Variants in LACTBL1 observed in about 807,000 individuals in gnomAD.
The protein encoded by LACTBL1 is beta-lactamase-like protein 1.
In LACTBL1, 29 loss-of-function variants were observed where a neutral mutation model predicts 39.6. The observed-to-expected ratio is 0.73, with a 90% CI of 0.55 to 1.00. LACTBL1 has a LOEUF of 1.00. LACTBL1 is among the 50% of genes least tolerant of loss of function. The pLI is 0.00. For missense variants in LACTBL1, 711 were observed against 748.5 expected (o/e 0.95, Z 0.59); for synonymous variants, 361 against 360.7 (o/e 1.00, Z -0.01).
Position 22,963,697 on chromosome 1 carries a change from G to A in LACTBL1, c.50-481C>T, listed in dbSNP as rs547081262. Among the ~76,000 whole-genome samples the A allele has an allele frequency of 7.9e-5, 12 of 152,290 alleles. No individual in the cohort carries two copies. In the South Asian group the frequency reaches 1.9e-3, roughly 24 times the overall value. On this transcript the variant is annotated intron_variant, in intron 1 of 5. Transcript: ENST00000426928. ...CTGAGTCTGTTCTGCCTTTGTCCGGGTGTGTGGCTTCCTCGGCACCTCAGG... is the reference window on the plus strand; with the variant it reads ...CTGAGTCTGTTCTGCCTTTGTCCGGATGTGTGGCTTCCTCGGCACCTCAGG...
intron 2 of LACTBL1, among the ~76,000 whole-genome samples, chr1:22,960,640 A>AC (rs1035609523): frequency 3.3e-5 from 5 of 151,436 alleles, no homozygotes; most frequent in African/African-American, 9.7e-5. Flanking sequence ...AAAAAAAAAA[A>AC]AACCAGCTAC....
At chr1:22,972,538 TGA>T in the LACTBL1 span, 143 of 562,854 alleles carry the variant, frequency 2.5e-4, no homozygotes, top group Non-Finnish European at 3.1e-4. Flanking sequence ...CCCTCCCAGG[TGA>T]GAGAAACAGC....
chr1:22,957,019 T>C (rs1481116648), intron 4 of LACTBL1, among the ~76,000 whole-genome samples: 1 of 152,112 alleles, frequency 6.6e-6, no homozygotes, highest in African/African-American at 2.4e-5. Flanking sequence ...TAATATATAC[T>C]ACATACTTGT....
At chr1:22,960,552 G>A (rs1640810863) in intron 2 of LACTBL1, among the ~76,000 whole-genome samples, 1 of 146,378 alleles carries the variant, frequency 6.8e-6, no homozygotes, top group Non-Finnish European at 1.5e-5. Flanking sequence ...AGGAGGCGGA[G>A]GTTGCAGTGA....
the LACTBL1 span, among the ~76,000 whole-genome samples, chr1:22,971,930 T>C: frequency 2.0e-5 from 3 of 152,120 alleles, no homozygotes; most frequent in Non-Finnish European, 4.4e-5. Flanking sequence ...GCTTCAGGGC[T>C]CACAGATACA....
chr1:22,961,992 C>T (rs1640827529), intron 2 of LACTBL1, among the ~76,000 whole-genome samples: 1 of 150,602 alleles, frequency 6.6e-6, no homozygotes, highest in African/African-American at 2.4e-5. Flanking sequence ...ATGATCCACC[C>T]ATCTCGGCCT....
chr1:22,960,166 G>A, intron 2 of LACTBL1, 67 bp from the exon 5 acceptor site: 8 of 1,526,924 alleles, frequency 5.2e-6, no homozygotes, highest in Non-Finnish European at 7.1e-6. Flanking sequence ...CATCTGCAAA[G>A]CCACCCTCGT....
chr1:22,962,842 C>G (rs1019814063), intron 2 of LACTBL1, among the ~76,000 whole-genome samples: 1 of 152,306 alleles, frequency 6.6e-6, no homozygotes, highest in Non-Finnish European at 1.5e-5. Flanking sequence ...GTCCCCTAAA[C>G]TTTTCTTACC....
intron 4 of LACTBL1, among the ~76,000 whole-genome samples, chr1:22,956,102 G>A (rs144046250): frequency 3.1e-4 from 47 of 150,984 alleles, no homozygotes; most frequent in Middle Eastern, 3.5e-3. Flanking sequence ...TCCAGGTGTG[G>A]TGGCTCACAC....
the LACTBL1 span, among the ~76,000 whole-genome samples, chr1:22,971,195 T>C: frequency 1.3e-5 from 2 of 152,104 alleles, no homozygotes; most frequent in Non-Finnish European, 2.9e-5. Context: ...AGAGCTGAGA[T>C]TCAAGCTCTG....
chr1:22,967,466 C>T (rs970015908), upstream of LACTBL1, among the ~76,000 whole-genome samples: 1 of 151,928 alleles, frequency 6.6e-6, no homozygotes, highest in Non-Finnish European at 1.5e-5. Context: ...ATTGCTTGAA[C>T]CTGGGAGGTC....
upstream of LACTBL1, among the ~76,000 whole-genome samples, chr1:22,967,346 A>G (rs1640890314): frequency 6.6e-6 from 1 of 152,022 alleles, no homozygotes; most frequent in Non-Finnish European, 1.5e-5. Context: ...TCCAGCCTAG[A>G]TGACAGAGTG....
the LACTBL1 span, among the ~76,000 whole-genome samples, chr1:22,971,068 C>T: frequency 6.6e-6 from 1 of 152,172 alleles, no homozygotes; most frequent in South Asian, 2.1e-4. Flanking sequence ...GGAAGGCAGC[C>T]TGCTATCCCC....
exon 6 of LACTBL1, chr1:22,953,712 G>A: frequency 4.5e-6 from 6 of 1,325,562 alleles, no homozygotes; most frequent in Non-Finnish European, 4.8e-6. Context: ...TCTTGGCCGC[G>A]TCGGGCCGCA....
At chr1:22,959,475 C>T (rs1330836496) in intron 3 of LACTBL1, among the ~76,000 whole-genome samples, 1 of 152,228 alleles carries the variant, frequency 6.6e-6, no homozygotes, top group Non-Finnish European at 1.5e-5. Flanking sequence ...AATGTGTTCA[C>T]TCTGCATCAT....
intron 2 of LACTBL1, among the ~76,000 whole-genome samples, chr1:22,961,698 A>AAGGTGG (rs1297425733): frequency 6.6e-6 from 1 of 150,906 alleles, no homozygotes; most frequent in African/African-American, 2.4e-5. Context: ...CCACCTTGCC[A>AAGGTGG]CGTGATTTTA....
chr1:22,960,196 G>T, intron 2 of LACTBL1, 97 bp from the exon 5 acceptor site: 1 of 1,415,788 alleles, frequency 7.1e-7, no homozygotes, highest in Admixed American at 2.0e-5. Context: ...CACCCTGCAT[G>T]CAGCACCCCA....
exon 6 of LACTBL1, chr1:22,953,744 C>T (rs1640733275): frequency 7.2e-7 from 1 of 1,383,200 alleles, no homozygotes; most frequent in South Asian, 1.7e-5. Flanking sequence ...GGCCCGCCGC[C>T]CAGGAGCGCC....
chr1:22,958,095 GT>G (rs1431828961), intron 4 of LACTBL1, among the ~76,000 whole-genome samples: 1 of 152,074 alleles, frequency 6.6e-6, no homozygotes, highest in Non-Finnish European at 1.5e-5. Context: ...GTGTAGAATT[GT>G]TTACAAATAT....
Sources: allele counts gnomAD v4.1 joint callset (sites outside exome capture counted in the v4.1 genomes callset), GRCh38; gene constraint gnomAD v4.1.1; transcripts MANE v1.5; gene names NCBI Gene and HGNC (gene_info 2026-07-23, HGNC 2026-07-21).